VPS53: variants seen among roughly 807,000 people sequenced by gnomAD.
VPS53 encodes the protein vacuolar protein sorting-associated protein 53 homolog.
A neutral mutation model predicts 107.0 loss-of-function variants in VPS53; 70 were observed. The ratio of observed to expected loss-of-function variants is 0.65; its 90% CI spans 0.54 to 0.80. VPS53 has a LOEUF of 0.80. Ranked by LOEUF, VPS53 falls within the 30% of genes least tolerant of loss-of-function variation. The pLI is 0.00. For synonymous variants in VPS53, 409 were observed against 393.3 expected (o/e 1.04, Z -0.47); for missense variants, 917 against 1,049.4 (o/e 0.87, Z 1.74).
chr17:661,916 G>T, intron 4 of VPS53, 21 bp from the exon 5 acceptor site: 1 of 1,541,762 alleles, frequency 6.5e-7, no homozygotes, highest in Non-Finnish European at 8.8e-7. Flanking sequence ...GGAAATACAT[G>T]AAAAACAAAA....
At chr17:652,730 T>C (rs1971004766) in intron 7 of VPS53, among the ~76,000 whole-genome samples, 1 of 152,216 alleles carries the variant, frequency 6.6e-6, no homozygotes, top group Admixed American at 6.5e-5. Flanking sequence ...AAACAATTAT[T>C]GTTTTAAGCT....
chr17:592,899 C>T (rs951146467), intron 12 of VPS53, among the ~76,000 whole-genome samples: 1 of 152,084 alleles, frequency 6.6e-6, no homozygotes, highest in Non-Finnish European at 1.5e-5. Context: ...ATCTTTGTGG[C>T]GTTCTCTGTA....
At chr17:546,668 C>G (rs1169768424) in intron 17 of VPS53, among the ~76,000 whole-genome samples, 1 of 152,116 alleles carries the variant, frequency 6.6e-6, no homozygotes, top group East Asian at 1.9e-4. Flanking sequence ...TGAGATACCA[C>G]TTCACACCCA....
chr17:612,970 C>T (rs1321606816), intron 11 of VPS53, among the ~76,000 whole-genome samples: 1 of 148,528 alleles, frequency 6.7e-6, no homozygotes, highest in African/African-American at 2.5e-5. Context: ...CAGTGAAAAC[C>T]TGTACAAATA....
chr17:573,473 G>A (rs1914345893), intron 13 of VPS53, among the ~76,000 whole-genome samples: 1 of 152,136 alleles, frequency 6.6e-6, no homozygotes, highest in Non-Finnish European at 1.5e-5. Flanking sequence ...CTTGGCAGGT[G>A]GGAGGCTGGG....
In VPS53 at chr17:532,896, T is replaced by C. The variant is rs772064536; in HGVS notation, c.2031A>G (p.Lys677=). The change falls in exon 19 of 22, where the codon AAA becomes AAG. Residue 677 remains lysine (K), a synonymous_variant. Coordinates refer to ENST00000437048, the MANE Select transcript of VPS53 (RefSeq NM_001128159.3). The part of the protein sequence containing the change: ...CVKFANSFIP[K]FITHLFKCKP... ...TGCACTTGAAGAGGTGGGTGATGAA[T>C]TTGGGAATGAAGGAGCTGTGGATAA... The C allele has an allele frequency of 6.2e-7, 1 of 1,613,950 alleles. No individual in the cohort carries two copies. The highest frequency in any genetic ancestry group is 1.1e-5 in the South Asian group (1 of 91,014).
At chr17:623,929 G>A (rs1373712132) in intron 10 of VPS53, among the ~76,000 whole-genome samples, 1 of 146,246 alleles carries the variant, frequency 6.8e-6, no homozygotes, top group Non-Finnish European at 1.5e-5. Context: ...ATATTTATTT[G>A]TTTGTTTATT....
chr17:526,727 G>GT lies in VPS53; in HGVS notation c.2086-4990dup, dbSNP rs375844502. Among the ~76,000 whole-genome samples the GT allele has an allele frequency of 3.1e-3, 478 of 152,360 alleles. 5 individuals are homozygous for GT. Among genetic ancestry groups the GT allele is most frequent in the African/African-American group, 6.3e-3 (263 of 41,586 alleles). ...CTAATGTTGTTGATGGGATGTGGGG[G>GT]TGCAAGGGTGGCCAGTATGCCATGC... On this transcript the variant is annotated intron_variant, in intron 19 of 21. Coordinates refer to ENST00000437048, the MANE Select transcript of VPS53 (RefSeq NM_001128159.3).
At chr17:656,731 T>TGTG in intron 5 of VPS53, 16 of 706,194 alleles carry the variant, frequency 2.3e-5, no homozygotes, top group East Asian at 1.6e-4. Flanking sequence ...TGTGTGTGTG[T>TGTG]TTTATCATGC....
At chr17:665,872 C>T (rs566701625) in intron 4 of VPS53, among the ~76,000 whole-genome samples, 28 of 152,018 alleles carry the variant, frequency 1.8e-4, no homozygotes, top group Non-Finnish European at 2.4e-4. Context: ...GGCGTGGTGG[C>T]GGGCACCTGT....
In VPS53 at chr17:524,299, T is replaced by C. The variant is rs527422398; in HGVS notation, c.2086-2561A>G. 2.7e-5 allele frequency among the ~76,000 whole-genome samples: 4 copies of C among 149,842 alleles called. No individual in the cohort carries two copies. Among genetic ancestry groups the C allele is most frequent in the Non-Finnish European group, 5.9e-5 (4 of 67,586 alleles). The stretch of plus-strand genomic sequence containing the variant: ...AAATAAATACATAAAAAATAAAAAA[T>C]AAAAAAGAAGAAGAAGAAGAAAATA... On this transcript the variant is annotated intron_variant, in intron 19 of 21. Coordinates refer to ENST00000437048, the MANE Select transcript of VPS53 (RefSeq NM_001128159.3). The surrounding 1 kb of genome is among the most constrained non-coding windows in gnomAD (Gnocchi z 4.5).
chr17:564,041 G>A (rs146431882), intron 13 of VPS53, among the ~76,000 whole-genome samples: 6,495 of 151,862 alleles, frequency 0.043, 452 homozygotes, highest in African/African-American at 0.15. Context: ...CTTGAGGACA[G>A]GAGTTCGAGA....
chr17:686,329 A>G (rs1231268236), intron 4 of VPS53, among the ~76,000 whole-genome samples: 1 of 152,212 alleles, frequency 6.6e-6, no homozygotes, highest in Non-Finnish European at 1.5e-5. Context: ...CTAAGAAGAA[A>G]AAAAAGAAGA....
chr17:692,394 A>G (rs1348358461), intron 4 of VPS53, among the ~76,000 whole-genome samples: 1 of 152,154 alleles, frequency 6.6e-6, no homozygotes, highest in Admixed American at 6.5e-5. Flanking sequence ...GTGCCATATA[A>G]ACTTTATAAG....
At chr17:667,006 G>A (rs2143660224) in intron 4 of VPS53, among the ~76,000 whole-genome samples, 1 of 152,354 alleles carries the variant, frequency 6.6e-6, no homozygotes. Flanking sequence ...ATGCAGTCAA[G>A]GGAATGGACA....
At chr17:572,891 C>T (rs1443345058) in intron 13 of VPS53, among the ~76,000 whole-genome samples, 10 of 151,392 alleles carry the variant, frequency 6.6e-5, no homozygotes, top group East Asian at 3.9e-4. Flanking sequence ...ACAAACACTG[C>T]GGAAGGCCTC....
At chr17:615,766 G>A (rs1353589273) in intron 11 of VPS53, among the ~76,000 whole-genome samples, 1 of 152,200 alleles carries the variant, frequency 6.6e-6, no homozygotes, top group Non-Finnish European at 1.5e-5. Context: ...AGGTAGCATG[G>A]GGAAGGGGTC....
chr17:680,800 G>A (rs1279411308), intron 4 of VPS53, among the ~76,000 whole-genome samples: 2 of 152,192 alleles, frequency 1.3e-5, no homozygotes, highest in Admixed American at 6.5e-5. Flanking sequence ...CAAATGAACA[G>A]ATACACTATG....
intron 1 of VPS53, among the ~76,000 whole-genome samples, chr17:712,309 A>G (rs1973675077): frequency 6.7e-6 from 1 of 150,198 alleles, no homozygotes. Context: ...CCTCCCGAGT[A>G]GCTGAGATTA....
Sources: allele counts gnomAD v4.1 joint callset (sites outside exome capture counted in the v4.1 genomes callset), GRCh38; gene constraint gnomAD v4.1.1; non-coding constraint Gnocchi (gnomAD v3.1); transcripts MANE v1.5; gene names NCBI Gene and HGNC (gene_info 2026-07-23, HGNC 2026-07-21).